Variants in HACL2 observed in about 807,000 individuals in gnomAD.
The protein encoded by HACL2 is 2-hydroxyacyl-CoA lyase 1 like.
chr19:15,115,923 T>C, the HACL2 span: 2 of 1,614,068 alleles, frequency 1.2e-6, no homozygotes, highest in Non-Finnish European at 1.7e-6. Flanking sequence ...GCACCAGACC[T>C]AGTCGGGAGG....
At chr19:15,115,928 G>A in the HACL2 span, 38 of 1,614,014 alleles carry the variant, frequency 2.4e-5, no homozygotes, top group African/African-American at 8.0e-5. Context: ...AGACCTAGTC[G>A]GGAGGGGACC....
At chr19:15,119,360 G>A in the HACL2 span, 2 of 1,608,876 alleles carry the variant, frequency 1.2e-6, no homozygotes, top group Non-Finnish European at 1.7e-6. Flanking sequence ...CTCCCCAAGA[G>A]CACCCGAGGA....
the HACL2 span, among the ~76,000 whole-genome samples, chr19:15,118,612 C>T: frequency 2.6e-5 from 4 of 152,166 alleles, no homozygotes; most frequent in Non-Finnish European, 5.9e-5. Flanking sequence ...GCAGACTCTA[C>T]TTCAAGAAGC....
At chr19:15,119,559 T>G in the HACL2 span, 17 of 1,542,392 alleles carry the variant, frequency 1.1e-5, no homozygotes, top group Admixed American at 2.7e-4. Flanking sequence ...TTTTATTTAT[T>G]TATTTTTTTG....
chr19:15,120,176 A>G, the HACL2 span: 14 of 788,960 alleles, frequency 1.8e-5, no homozygotes, highest in Middle Eastern at 2.5e-4. Flanking sequence ...GAGAAAAGCC[A>G]GGAGCAAAGT....
At chr19:15,125,109 G>C in the HACL2 span, 2 of 1,479,536 alleles carry the variant, frequency 1.4e-6, no homozygotes, top group South Asian at 1.4e-5. Context: ...GGGCGCGACA[G>C]GGAACCTCTC....
At chr19:15,125,428 G>A in the HACL2 span, 2 of 230,224 alleles carry the variant, frequency 8.7e-6, no homozygotes, top group Admixed American at 1.1e-4. Flanking sequence ...TCCACAACCG[G>A]ACCCCAAATC....
chr19:15,117,982 C>A, the HACL2 span: 1 of 1,614,002 alleles, frequency 6.2e-7, no homozygotes, highest in African/African-American at 1.3e-5. Flanking sequence ...GCTGAGGACA[C>A]GGCCATAGGA....
the HACL2 span, chr19:15,122,647 G>T: frequency 6.6e-7 from 1 of 1,514,674 alleles, no homozygotes; most frequent in Non-Finnish European, 9.2e-7. The surrounding 1 kb of genome is among the most constrained non-coding windows in gnomAD (Gnocchi z 4.0). Context: ...AGCTGCAGGA[G>T]AGAACGGGGG....
the HACL2 span, among the ~76,000 whole-genome samples, chr19:15,120,299 G>A: frequency 1.4e-3 from 212 of 152,192 alleles, 1 homozygote; most frequent in African/African-American, 4.9e-3. Flanking sequence ...CCAACTCCAC[G>A]TAGCCCCCCA....
chr19:15,115,966 A>G, the HACL2 span: 3 of 1,614,018 alleles, frequency 1.9e-6, no homozygotes, highest in South Asian at 2.2e-5. Context: ...ATCAGGACCT[A>G]GAGAGCAGCA....
the HACL2 span, chr19:15,119,833 G>A: frequency 1.6e-6 from 1 of 616,066 alleles, no homozygotes; most frequent in South Asian, 2.2e-5. Context: ...TTGCTGCTGT[G>A]AGCCACCGCG....
the HACL2 span, among the ~76,000 whole-genome samples, chr19:15,121,760 C>T: frequency 2.7e-5 from 4 of 147,268 alleles, no homozygotes; most frequent in African/African-American, 5.0e-5. Context: ...TGCAGTGAGC[C>T]GAGATCACGC....
the HACL2 span, chr19:15,124,873 G>A: frequency 3.9e-6 from 6 of 1,557,164 alleles, no homozygotes; most frequent in East Asian, 7.2e-5. Context: ...GCACCACGAG[G>A]CCCCTCCCTC....
the HACL2 span, chr19:15,116,485 G>A: frequency 6.2e-7 from 1 of 1,613,786 alleles, no homozygotes; most frequent in Non-Finnish European, 8.5e-7. Context: ...GGCCCTGAAG[G>A]CCCTCCACTA....
chr19:15,115,163 A>T, the HACL2 span: 3 of 1,485,898 alleles, frequency 2.0e-6, no homozygotes, highest in South Asian at 3.4e-5. Context: ...CTCATGGGAT[A>T]GGCCCAGGGC....
the HACL2 span, chr19:15,123,122 C>T: frequency 1.2e-6 from 2 of 1,613,682 alleles, no homozygotes; most frequent in South Asian, 1.1e-5. The surrounding 1 kb of genome is among the most constrained non-coding windows in gnomAD (Gnocchi z 5.1). Context: ...GTACCTGCAG[C>T]AGAGTGCTGG....
At chr19:15,119,240 C>T in the HACL2 span, 2 of 1,609,560 alleles carry the variant, frequency 1.2e-6, no homozygotes, top group East Asian at 2.2e-5. Context: ...GTGGTTGCGG[C>T]CTAACAGCCC....
the HACL2 span, chr19:15,123,081 C>T: frequency 1.6e-5 from 25 of 1,611,656 alleles, no homozygotes; most frequent in Admixed American, 2.7e-4. This position sits in a 1 kb window ranked among gnomAD's most constrained non-coding sequence, Gnocchi z 5.1. Flanking sequence ...CTTCAAGCCC[C>T]CCTAGGCCCC....
Sources: gnomAD v4.1 joint callset for allele counts (sites outside exome capture counted in the v4.1 genomes callset) on GRCh38, gnomAD v4.1.1 for gene constraint, Gnocchi (gnomAD v3.1) non-coding constraint, MANE v1.5 for transcripts, NCBI Gene and HGNC (gene_info 2026-07-23, HGNC 2026-07-21) for gene names.